The following FANCI variants were observed in gnomAD, a reference collection of about 807,000 sequenced individuals.
FANCI encodes the protein Fanconi anemia group I protein.
FANCI carries 156 observed loss-of-function variants against 176.1 expected under a neutral mutation model. The ratio of observed to expected loss-of-function variants is 0.89; its 90% CI spans 0.78 to 1.01. FANCI has a LOEUF of 1.01. FANCI is among the 50% of genes least tolerant of loss of function. The pLI, the probability that FANCI is intolerant of heterozygous loss-of-function variation, is 0.00. For missense variants in FANCI, 1,678 were observed against 1,534.1 expected (o/e 1.09, Z -1.57); for synonymous variants, 613 against 541.7 (o/e 1.13, Z -1.83).
intron 3 of FANCI, among the ~76,000 whole-genome samples, chr15:89,260,480 C>G (rs977739266): frequency 1.3e-5 from 2 of 152,120 alleles, no homozygotes; most frequent in Non-Finnish European, 2.9e-5. Flanking sequence ...TTACTTCATC[C>G]TGTAATTATT....
At chr15:89,249,424 T>G (rs1190571270) in intron 2 of FANCI, among the ~76,000 whole-genome samples, 3 of 152,350 alleles carry the variant, frequency 2.0e-5, no homozygotes, top group South Asian at 2.1e-4. Flanking sequence ...CTCGGCACAC[T>G]GCAGCCTCAA....
rs1264870336 is a variant in FANCI, at chr15:89,259,080, A to G, written c.157+304A>G. 5.5e-5 allele frequency: 21 copies of G among 383,260 alleles called. 1 individual carries two copies. The highest frequency in any genetic ancestry group is 4.2e-4 in the South Asian group (19 of 45,454). The allele number at this position is 383,260 out of a possible 1,614,324, so 23.7% of individuals were successfully genotyped here. On this transcript the variant is annotated intron_variant, in intron 3 of 37. Coordinates refer to ENST00000310775, the MANE Select transcript of FANCI (RefSeq NM_001113378.2). ...TAAGATTGTGGAGAAGAGAACAGCA[A>G]TGTTTAATACATAATCCATGCTTAG...
At chr15:89,282,295 T>A in intron 16 of FANCI, 1 of 183,140 alleles carries the variant, frequency 5.5e-6, no homozygotes, top group Non-Finnish European at 1.2e-5. Context: ...AGATTATACT[T>A]AAGAATCTCA....
At position 89,276,884 on chromosome 15, in the gene FANCI, C is replaced by T; in HGVS notation, c.1286C>T (p.Thr429Ile). The T allele has an allele frequency of 6.2e-7, 1 of 1,614,158 alleles. No individual in the cohort carries two copies. The highest frequency in any genetic ancestry group is 8.5e-7 in the Non-Finnish European group (1 of 1,180,028). ...CKLGANILLETFKIHEMIRQE... is the reference protein window; with the variant it reads ...CKLGANILLEIFKIHEMIRQE... ...CTCGGAGCTAATATCCTGTTGGAAA[C>T]TTTTAAGGTGAGACACTATTTTGGC... is the stretch of plus-strand genomic sequence containing the variant. The change falls in exon 13 of 38, where the codon ACT (threonine) becomes ATT (isoleucine). Residue 429 changes from threonine to isoleucine, a missense_variant. Transcript: ENST00000310775.
intron 9 of FANCI, among the ~76,000 whole-genome samples, chr15:89,266,586 C>T (rs1191095257): frequency 6.6e-6 from 1 of 151,944 alleles, no homozygotes. Flanking sequence ...ACCTTGGCCT[C>T]CCAAAGTGCT....
chr15:89,291,428 A>G (rs1315018705), intron 19 of FANCI, among the ~76,000 whole-genome samples, 185 bp from the exon 20 acceptor site: 4 of 152,236 alleles, frequency 2.6e-5, no homozygotes, highest in African/African-American at 9.6e-5. Flanking sequence ...TCTGTACAAT[A>G]TCCAAAGCAA....
chr15:89,264,446 C>G, intron 8 of FANCI, 76 bp from the exon 9 acceptor site: 1 of 1,228,350 alleles, frequency 8.1e-7, no homozygotes, highest in Non-Finnish European at 1.2e-6. Flanking sequence ...ATTCTTTAAG[C>G]TGAAAACTAC....
chr15:89,310,459 C>A (rs1274544616), intron 34 of FANCI, among the ~76,000 whole-genome samples: 2 of 152,224 alleles, frequency 1.3e-5, no homozygotes, highest in African/African-American at 2.4e-5. Flanking sequence ...TCCTAGACTG[C>A]TATTATTTTC....
intron 1 of FANCI, among the ~76,000 whole-genome samples, chr15:89,244,748 T>G (rs1034516631): frequency 3.3e-5 from 5 of 152,218 alleles, no homozygotes; most frequent in African/African-American, 7.2e-5. Flanking sequence ...CTCTGCCACT[T>G]GGTAGCCTTC....
At chr15:89,247,485 A>T (rs2052040273) in intron 1 of FANCI, 144 bp from the exon 2 acceptor site, 3 of 657,906 alleles carry the variant, frequency 4.6e-6, no homozygotes, top group Non-Finnish European at 5.5e-6. Flanking sequence ...AAGAAAAAAG[A>T]ATCAGCTACT....
chr15:89,259,153 G>A (rs2052616768), intron 3 of FANCI: 1 of 274,704 alleles, frequency 3.6e-6, no homozygotes, highest in East Asian at 8.8e-5. Context: ...GTATCTTAAG[G>A]TGCCTTATAT....
intron 23 of FANCI, 108 bp from the exon 24 acceptor site, chr15:89,294,807 C>A: frequency 8.5e-7 from 1 of 1,182,204 alleles, no homozygotes; most frequent in Non-Finnish European, 1.2e-6. Flanking sequence ...TACTGGCAAG[C>A]TCTGTTGGGT....
chr15:89,268,672 A>T, intron 10 of FANCI, 147 bp downstream of exon 10: 2 of 968,984 alleles, frequency 2.1e-6, no homozygotes, highest in Non-Finnish European at 3.1e-6. Flanking sequence ...TTTACTTTAA[A>T]AGTGGAAAAT....
chr15:89,245,306 C>G (rs1292707997), intron 1 of FANCI: 2 of 136,080 alleles, frequency 1.5e-5, no homozygotes, highest in Non-Finnish European at 3.1e-5. Flanking sequence ...GTAGCTGGGA[C>G]TACAGGTGCG....
rs121918164 is a variant in FANCI at position 89,315,318 on chromosome 15, C to T, written c.3853C>T (p.Arg1285Ter). ...LMQHMKLSTS[R>*]DFKIKGNILD... ...GCAGCACATGAAGCTCAGCACCTCA[C>T]GAGACTTCAAGATCAAAGGAAACAT... Residue 1285 changes from arginine (R) to a stop codon, truncating the protein, a stop_gained, in exon 37 of 38, where the codon CGA becomes TGA. Coordinates refer to ENST00000310775, the MANE Select transcript of FANCI (RefSeq NM_001113378.2). LOFTEE classifies it high-confidence loss of function. The T allele has an allele frequency of 4.3e-5, 69 of 1,613,818 alleles. No homozygotes were observed. Among genetic ancestry groups the T allele is most frequent in the South Asian group, 9.9e-5 (9 of 91,084 alleles).
chr15:89,272,794 C>T (rs997278957), intron 10 of FANCI, among the ~76,000 whole-genome samples: 5 of 152,050 alleles, frequency 3.3e-5, no homozygotes, highest in East Asian at 3.9e-4. Flanking sequence ...CTCAACCTCC[C>T]GAGTAGCTGG....
intron 12 of FANCI, 120 bp from the exon 13 acceptor site, chr15:89,276,591 T>A (rs923718237): frequency 1.4e-5 from 14 of 1,034,976 alleles, no homozygotes; most frequent in Non-Finnish European, 1.9e-5. Context: ...AAAAGGTTTA[T>A]ATGCAGAGTA....
intron 3 of FANCI, among the ~76,000 whole-genome samples, chr15:89,259,864 TACA>T (rs1382042757): frequency 2.6e-5 from 4 of 152,260 alleles, no homozygotes; most frequent in African/African-American, 9.6e-5. Flanking sequence ...TATGTGGATA[TACA>T]ACATTTTTCC....
In FANCI at chr15:89,285,808, A is replaced by G. The variant is rs370701318; in HGVS notation, c.1821+590A>G. Reference sequence around the variant, plus strand: ...AACCCATACCCTTAATTTATTGCCTATAGTTTCAAATTTGTGTTTACCTAA... The same window carrying G: ...AACCCATACCCTTAATTTATTGCCTGTAGTTTCAAATTTGTGTTTACCTAA... On this transcript the variant is annotated intron_variant, in intron 18 of 37. Coordinates refer to ENST00000310775, the MANE Select transcript of FANCI (RefSeq NM_001113378.2). 2.6e-5 allele frequency among the ~76,000 whole-genome samples: 4 copies of G among 152,034 alleles called. No individual in the cohort carries two copies. The East Asian group carries it at 7.7e-4, about 29-fold the overall frequency.
Sources: allele counts gnomAD v4.1 joint callset (sites outside exome capture counted in the v4.1 genomes callset), GRCh38; gene constraint gnomAD v4.1.1; transcripts MANE v1.5; gene names NCBI Gene and HGNC (gene_info 2026-07-23, HGNC 2026-07-21).